Variants in PHLPP1 observed in about 807,000 individuals in gnomAD.
The protein encoded by PHLPP1 is PH domain and leucine rich repeat protein phosphatase 1, also known as PH domain leucine-rich repeat-containing protein phosphatase 1.
In PHLPP1, 42 loss-of-function variants were observed where a neutral mutation model predicts 117.2. The ratio of observed to expected loss-of-function variants is 0.36; its 90% CI spans 0.28 to 0.46. PHLPP1 has a LOEUF of 0.46. Among genes scored for constraint, PHLPP1 ranks in the 20% least tolerant of loss-of-function variants. The pLI, the probability that PHLPP1 is intolerant of heterozygous loss-of-function variation, is 1.00. For synonymous variants in PHLPP1, 1,042 were observed against 970.7 expected, an observed-to-expected ratio of 1.07 and a Z score of -1.37; for missense variants, 2,084 against 2,241.9, an observed-to-expected ratio of 0.93 and a Z score of 1.42.
chr18:62,868,220 CAAAG>C (rs1222170641), intron 4 of PHLPP1, among the ~76,000 whole-genome samples: 1 of 152,066 alleles, frequency 6.6e-6, no homozygotes, highest in East Asian at 1.9e-4. Flanking sequence ...TAAGTAATTA[CAAAG>C]AATTAAACAA....
intron 10 of PHLPP1, among the ~76,000 whole-genome samples, chr18:62,926,917 C>A (rs1444797342): frequency 1.3e-5 from 2 of 152,206 alleles, no homozygotes; most frequent in South Asian, 2.1e-4. Flanking sequence ...ATGCTATACC[C>A]TAAGGTTTTG....
intron 3 of PHLPP1, among the ~76,000 whole-genome samples, chr18:62,847,068 T>C (rs1915200186): frequency 6.6e-6 from 1 of 152,234 alleles, no homozygotes; most frequent in African/African-American, 2.4e-5. Context: ...TTTAAACAAA[T>C]GGCAAAGATA....
chr18:62,822,994 T>G (rs555667534), intron 1 of PHLPP1, among the ~76,000 whole-genome samples: 1 of 152,318 alleles, frequency 6.6e-6, no homozygotes, highest in Non-Finnish European at 1.5e-5. Flanking sequence ...AATCTCAGCC[T>G]TATTTCTTGA....
At chr18:62,810,660 G>A (rs62098623) in intron 1 of PHLPP1, among the ~76,000 whole-genome samples, 264 of 152,282 alleles carry the variant, frequency 1.7e-3, no homozygotes, top group Admixed American at 3.5e-3. Context: ...CCATTCATAT[G>A]TTCTGACTCA....
intron 3 of PHLPP1, among the ~76,000 whole-genome samples, chr18:62,852,981 C>G (rs562013582): frequency 1.6e-4 from 25 of 152,192 alleles, no homozygotes; most frequent in African/African-American, 5.8e-4. Flanking sequence ...ACAAATGCAA[C>G]CCAGCTACAC....
At position 62,800,632 on chromosome 18, in the gene PHLPP1, C is replaced by T. The variant is rs536416856; in HGVS notation, c.1577-29403C>T. Reference sequence around the variant, plus strand: ...CGGGGGAGCATATGAAAAGAAGAGTCTCTGTTGTAAAAACCCTCTCAGTTT... The same window carrying T: ...CGGGGGAGCATATGAAAAGAAGAGTTTCTGTTGTAAAAACCCTCTCAGTTT... On this transcript the variant is annotated intron_variant, in intron 1 of 16. Transcript: ENST00000262719. Among the ~76,000 whole-genome samples the T allele has an allele frequency of 5.1e-4, 77 of 151,758 alleles. 1 individual carries two copies. The South Asian group carries it at 0.016, about 31-fold the overall frequency.
intron 16 of PHLPP1, among the ~76,000 whole-genome samples, chr18:62,977,446 A>C (rs1027037841): frequency 3.0e-4 from 45 of 150,258 alleles, no homozygotes; most frequent in Non-Finnish European, 6.0e-4. Flanking sequence ...AAAAAAAAAA[A>C]AAAAAAACCC....
At position 62,716,472 on chromosome 18, in the gene PHLPP1, G is replaced by T; in HGVS notation, c.789G>T (p.Pro263=). ...CCGCCGCCCGGGAGCCCGCTGAACC[G>T]CCCCCCGAGGCCGGCCCCCGGCTGG... ...GAAAAREPAE[P]PPEAGPRLAP... The change falls in exon 1 of 17, where the codon CCG becomes CCT. Residue 263 remains proline, a synonymous_variant. Transcript: ENST00000262719. The surrounding 1 kb of genome is among the most constrained non-coding windows in gnomAD (Gnocchi z 5.7). 1 of 1,233,106 alleles carries T rather than the reference G, an allele frequency of 8.1e-7. No homozygotes were observed. The highest frequency in any genetic ancestry group is 1.0e-6 in the Non-Finnish European group (1 of 990,592). 76.4% of individuals were successfully genotyped at this position (1,233,106 alleles called of 1,614,324 possible).
intron 10 of PHLPP1, among the ~76,000 whole-genome samples, chr18:62,937,485 A>T (rs1223991109): frequency 6.6e-6 from 1 of 152,246 alleles, no homozygotes; most frequent in Non-Finnish European, 1.5e-5. Context: ...AAAAGGACCT[A>T]TGAAAATGTC....
intron 8 of PHLPP1, among the ~76,000 whole-genome samples, chr18:62,912,756 A>T (rs1160541833): frequency 1.3e-5 from 2 of 152,042 alleles, no homozygotes; most frequent in Non-Finnish European, 2.9e-5. Context: ...AGCAGCTGGG[A>T]TTACAGGCAC....
chr18:62,839,840 A>G lies in PHLPP1; in HGVS notation c.1899+931A>G, dbSNP rs1055033996. The G allele has an allele frequency of 1.9e-4, 29 of 148,988 alleles. 1 individual carries two copies. In the Middle Eastern group the frequency reaches 0.011, roughly 55 times the overall value. The allele number at this position is 148,988 out of a possible 1,614,324, so 9.2% of individuals were successfully genotyped here. A position where few individuals can be genotyped will look rare whatever the true frequency, so the allele number is the denominator to read the frequency against. ...GTTTAATGTAAACCAGAATCACATT[A>G]TAAATAAGACAAATAAATGCTGATA... On this transcript the variant is annotated intron_variant, in intron 3 of 16. Transcript: ENST00000262719.
intron 10 of PHLPP1, among the ~76,000 whole-genome samples, chr18:62,928,070 T>A (rs1046420552): frequency 7.2e-5 from 11 of 152,184 alleles, no homozygotes; most frequent in Non-Finnish European, 1.5e-4. Flanking sequence ...TAATGTTTTT[T>A]AAAAACTTAA....
chr18:62,821,333 AAAAT>A (rs1204325665), intron 1 of PHLPP1, among the ~76,000 whole-genome samples: 23 of 152,156 alleles, frequency 1.5e-4, no homozygotes, highest in African/African-American at 5.3e-4. Context: ...AAATGAAACA[AAAAT>A]AACAGAAAAT....
intron 6 of PHLPP1, 131 bp downstream of exon 6, chr18:62,896,142 G>A: frequency 1.6e-6 from 1 of 619,302 alleles, no homozygotes; most frequent in South Asian, 2.0e-5. Flanking sequence ...TCTGCCTAGA[G>A]GGAAGAATTA....
intron 14 of PHLPP1, 144 bp from the exon 15 acceptor site, chr18:62,972,370 G>A: frequency 3.2e-6 from 2 of 628,174 alleles, no homozygotes; most frequent in Non-Finnish European, 5.3e-6. Context: ...GAAATTAGCT[G>A]GAGTCAGTTT....
chr18:62,717,968 G>A (rs1435434377), intron 1 of PHLPP1, among the ~76,000 whole-genome samples: 5 of 152,090 alleles, frequency 3.3e-5, no homozygotes, highest in African/African-American at 1.2e-4. Context: ...ACCGCAATAC[G>A]CCTTGCAGGA....
Position 62,902,523 on chromosome 18 carries a change from C to T in PHLPP1, c.2445-441C>T, listed in dbSNP as rs562509694. On this transcript the variant is annotated intron_variant, in intron 6 of 16. Transcript: ENST00000262719. ...TCCGCCTGTTCATGCATCCTCTCTC[C>T]TTCATTAAATATTCGTTGTAGTTGT... Among the ~76,000 whole-genome samples the T allele has an allele frequency of 2.6e-5, 4 of 152,272 alleles. 1 individual carries two copies. The South Asian group carries it at 8.3e-4, about 32-fold the overall frequency.
intron 9 of PHLPP1, 57 bp downstream of exon 9, chr18:62,915,065 T>C (rs2144419168): frequency 7.7e-7 from 1 of 1,293,066 alleles, no homozygotes; most frequent in East Asian, 2.3e-5. Context: ...TTTTAAAAAT[T>C]GCTGATTCAG....
intron 13 of PHLPP1, among the ~76,000 whole-genome samples, chr18:62,961,325 C>CAGCATT (rs1379722723): frequency 6.6e-6 from 1 of 152,108 alleles, no homozygotes; most frequent in Admixed American, 6.6e-5. Flanking sequence ...ATACAAGAGT[C>CAGCATT]AGCATTCATT....
Sources: allele counts gnomAD v4.1 joint callset (sites outside exome capture counted in the v4.1 genomes callset), GRCh38; gene constraint gnomAD v4.1.1; non-coding constraint Gnocchi (gnomAD v3.1); transcripts MANE v1.5; gene names NCBI Gene and HGNC (gene_info 2026-07-23, HGNC 2026-07-21).